Variants in PCDHGA4 observed in about 807,000 individuals in gnomAD.
PCDHGA4 encodes protocadherin gamma-A4.
PCDHGA4 carries 38 observed loss-of-function variants against 54.6 expected under a neutral mutation model. The ratio of observed to expected loss-of-function variants is 0.70; its 90% CI spans 0.54 to 0.91. The LOEUF (loss-of-function observed/expected upper bound fraction) is 0.91, where lower values mean the gene tolerates loss of function less well. Ranked by LOEUF, PCDHGA4 falls within the 40% of genes least tolerant of loss-of-function variation. The pLI, the probability that PCDHGA4 is intolerant of heterozygous loss-of-function variation, is 0.00. For missense variants in PCDHGA4, 1,298 were observed against 1,220.9 expected, an observed-to-expected ratio of 1.06 and a Z score of -0.94; for synonymous variants, 511 against 512.9, an observed-to-expected ratio of 1.00 and a Z score of 0.05.
At chr5:141,374,607 AT>A in intron 1 of PCDHGA4, 5 of 1,613,660 alleles carry the variant, frequency 3.1e-6, no homozygotes, top group Non-Finnish European at 4.2e-6. Flanking sequence ...CTCAGTGGTA[AT>A]AGTCACTTCT....
rs1193417991 is a variant in PCDHGA4 at position 141,491,413 on chromosome 5, G to T, written c.2515-3394G>T. The T allele has an allele frequency of 6.2e-7, 1 of 1,614,064 alleles. No individual in the cohort carries two copies. Among genetic ancestry groups the T allele is most frequent in the South Asian group, 1.1e-5 (1 of 91,074 alleles). ...CCTTCAGGGAAACGCAGACGGGGAC[G>T]GGGGTGGAGGGCAGTGCTGCAGGCG... On this transcript the variant is annotated intron_variant, in intron 1 of 3. Transcript: ENST00000571252. This position sits in a 1 kb window ranked among gnomAD's most constrained non-coding sequence, Gnocchi z 6.9.
chr5:141,428,055 G>C (rs1232516220), intron 1 of PCDHGA4: 8 of 1,608,952 alleles, frequency 5.0e-6, no homozygotes, highest in African/African-American at 1.3e-5. Context: ...CAAGGTGGTG[G>C]CGGTGGACGC....
intron 1 of PCDHGA4, chr5:141,392,984 G>A: frequency 1.2e-6 from 2 of 1,613,914 alleles, no homozygotes; most frequent in Non-Finnish European, 1.7e-6. Context: ...TGGACCCCCG[G>A]AAGCTGGCGA....
At chr5:141,363,492 A>G (rs1043734455) in intron 1 of PCDHGA4, among the ~76,000 whole-genome samples, 5 of 152,244 alleles carry the variant, frequency 3.3e-5, no homozygotes, top group African/African-American at 1.2e-4. Flanking sequence ...GGATGATGAA[A>G]TAAAACCCCA....
Position 141,512,040 on chromosome 5 carries a change from A to G in PCDHGA4, c.*867A>G, listed in dbSNP as rs775766584. 1.3e-5 allele frequency: 2 copies of G among 152,838 alleles called. No homozygotes were observed. The highest frequency in any genetic ancestry group is 2.9e-5 in the Non-Finnish European group (2 of 68,198). 9.5% of individuals were successfully genotyped at this position (152,838 alleles called of 1,614,324 possible). A position where few individuals can be genotyped will look rare whatever the true frequency, so the allele number is the denominator to read the frequency against. ...ATCAAGGCCTTGGAGGAGGCTCTGT[A>G]TGTCCTCAGGGGACTGACAACATCC... On this transcript the variant is annotated 3_prime_UTR_variant, in exon 4 of 4. Coordinates refer to ENST00000571252, the MANE Select transcript of PCDHGA4 (RefSeq NM_018917.4).
intron 1 of PCDHGA4, chr5:141,396,148 A>G (rs1589277067): frequency 6.6e-6 from 1 of 152,328 alleles, no homozygotes; most frequent in South Asian, 2.1e-4. Context: ...AAGCTGATCA[A>G]TTCAATTAAA....
intron 1 of PCDHGA4, chr5:141,389,720 C>T (rs1488646083): frequency 1.2e-6 from 2 of 1,612,576 alleles, no homozygotes; most frequent in East Asian, 4.5e-5. Flanking sequence ...CTAGCGAGCC[C>T]GGGCTCTTCA....
At chr5:141,409,638 C>A (rs1040366842) in intron 1 of PCDHGA4, 1 of 1,613,648 alleles carries the variant, frequency 6.2e-7, no homozygotes, top group Admixed American at 1.7e-5. Flanking sequence ...GCCTCTGACC[C>A]GGATTTGGGG....
chr5:141,362,416 G>A, intron 1 of PCDHGA4: 3 of 1,614,008 alleles, frequency 1.9e-6, no homozygotes, highest in Non-Finnish European at 2.5e-6. Context: ...CTCACAATCA[G>A]CCAAGACAGA....
rs1158395811 is a variant in PCDHGA4, at chr5:141,476,020, T to TCGGCGCC, written c.2515-18785_2515-18779dup. The stretch of plus-strand genomic sequence containing the variant: ...CGGCATCCAGAAAGCCATGTCGGAC[T>TCGGCGCC]CGGCGCCCAGCGCCCAAGCGCTAAC... On this transcript the variant is annotated intron_variant, in intron 1 of 3. Transcript: ENST00000571252. The surrounding 1 kb of genome is among the most constrained non-coding windows in gnomAD (Gnocchi z 7.6). 2.1e-6 allele frequency: 3 copies of TCGGCGCC among 1,398,716 alleles called. No homozygotes were observed. The African/African-American group carries it at 4.3e-5, about 20-fold the overall frequency. The allele number at this position is 1,398,716 out of a possible 1,614,324, so 86.6% of individuals were successfully genotyped here. A position where few individuals can be genotyped will look rare whatever the true frequency, so the allele number is the denominator to read the frequency against.
chr5:141,428,367 G>C, intron 1 of PCDHGA4: 1 of 546,792 alleles, frequency 1.8e-6, no homozygotes, highest in South Asian at 1.9e-5. Context: ...CGGTCGCCTT[G>C]CACCTGCGAT....
Position 141,376,230 on chromosome 5 carries a change from T to C in PCDHGA4, c.2514+18609T>C, listed in dbSNP as rs567339650. The C allele has an allele frequency of 4.3e-6, 7 of 1,614,210 alleles. No homozygotes were observed. The East Asian group carries it at 6.7e-5, about 15-fold the overall frequency. ...GTCATCGTGCTGCTGGCGCTCAGACTGCAGCGCTGGCACAAGTCACGCCTG... is the reference window on the plus strand; with the variant it reads ...GTCATCGTGCTGCTGGCGCTCAGACCGCAGCGCTGGCACAAGTCACGCCTG... On this transcript the variant is annotated intron_variant, in intron 1 of 3. Coordinates refer to ENST00000571252, the MANE Select transcript of PCDHGA4 (RefSeq NM_018917.4).
intron 1 of PCDHGA4, chr5:141,419,027 GTTCCAT>G: frequency 6.2e-7 from 1 of 1,613,870 alleles, no homozygotes; most frequent in Non-Finnish European, 8.5e-7. Context: ...AAGTAGAGGT[GTTCCAT>G]TTAAGATTCA....
At chr5:141,449,025 C>G (rs2154562458) in intron 1 of PCDHGA4, among the ~76,000 whole-genome samples, 1 of 152,216 alleles carries the variant, frequency 6.6e-6, no homozygotes, top group East Asian at 1.9e-4. Flanking sequence ...GCTTAGCATT[C>G]CTTTGGATTA....
intron 1 of PCDHGA4, chr5:141,372,539 G>A: frequency 6.2e-7 from 1 of 1,614,050 alleles, no homozygotes; most frequent in Non-Finnish European, 8.5e-7. Flanking sequence ...CCCTGCGCCT[G>A]CGATGCTCCT....
At chr5:141,359,122 C>A (rs1289421811) in intron 1 of PCDHGA4, among the ~76,000 whole-genome samples, 1 of 152,048 alleles carries the variant, frequency 6.6e-6, no homozygotes, top group African/African-American at 2.4e-5. Context: ...AGTTGTGGTG[C>A]AATACATAGA....
chr5:141,375,347 G>C, intron 1 of PCDHGA4: 2 of 1,613,852 alleles, frequency 1.2e-6, no homozygotes, highest in Non-Finnish European at 1.7e-6. Flanking sequence ...CAACATCACT[G>C]TGACAGCCAC....
At chr5:141,450,055 G>A (rs1325291695) in intron 1 of PCDHGA4, among the ~76,000 whole-genome samples, 2 of 137,594 alleles carry the variant, frequency 1.5e-5, no homozygotes, top group Non-Finnish European at 3.0e-5. Flanking sequence ...CGCCCAGGCT[G>A]GAATGCAGTG....
chr5:141,374,837 C>T (rs1240795815), intron 1 of PCDHGA4: 1 of 1,613,766 alleles, frequency 6.2e-7, no homozygotes, highest in Non-Finnish European at 8.5e-7. Flanking sequence ...TGTAAGTGTT[C>T]CTGAAAACCT....
Sources: gnomAD v4.1 joint callset for allele counts (sites outside exome capture counted in the v4.1 genomes callset) on GRCh38, gnomAD v4.1.1 for gene constraint, Gnocchi (gnomAD v3.1) non-coding constraint, MANE v1.5 for transcripts, NCBI Gene and HGNC (gene_info 2026-07-23, HGNC 2026-07-21) for gene names.